The following PAH variants were observed in gnomAD, a reference collection of about 807,000 sequenced individuals.
PAH encodes phenylalanine-4-hydroxylase.
A neutral mutation model predicts 62.0 loss-of-function variants in PAH; 64 were observed. The observed-to-expected ratio is 1.03, with a 90% CI of 0.84 to 1.27. The LOEUF (loss-of-function observed/expected upper bound fraction) is 1.27. Ranked by LOEUF, PAH falls within the 50% of genes most tolerant of loss-of-function variation. The pLI is 0.00. For synonymous variants in PAH, 195 were observed against 196.2 expected (o/e 0.99, Z 0.05); for missense variants, 579 against 542.8 (o/e 1.07, Z -0.66).
At chr12:102,935,312 G>A (rs1879061813) in intron 1 of PAH, among the ~76,000 whole-genome samples, 2 of 151,978 alleles carry the variant, frequency 1.3e-5, no homozygotes, top group African/African-American at 4.8e-5. Context: ...TTTTGTCAAG[G>A]ATTTTTGCAT....
At chr12:102,958,323 C>T in exon 1 of PAH, 1 of 1,472,966 alleles carries the variant, frequency 6.8e-7, no homozygotes, top group Non-Finnish European at 8.9e-7. Context: ...CTTCCTGCCG[C>T]CCGCAGCCTG....
intron 9 of PAH, among the ~76,000 whole-genome samples, chr12:102,845,290 C>T (rs1874786332): frequency 6.6e-6 from 1 of 152,210 alleles, no homozygotes; most frequent in African/African-American, 2.4e-5. Context: ...AATATGTTCT[C>T]CATATGACAG....
chr12:102,932,400 T>C (rs1433845799), intron 1 of PAH, among the ~76,000 whole-genome samples: 2 of 152,116 alleles, frequency 1.3e-5, no homozygotes, highest in African/African-American at 4.8e-5. Context: ...AGCACCAAAC[T>C]CTGTGGGCTC....
chr12:102,928,114 T>C (rs1434035042), intron 1 of PAH, among the ~76,000 whole-genome samples: 2 of 152,196 alleles, frequency 1.3e-5, no homozygotes, highest in Admixed American at 1.3e-4. Context: ...CTTGATACTT[T>C]CTACAGTCCA....
chr12:102,885,936 CCT>C (rs1433089174), intron 3 of PAH: 4 of 152,564 alleles, frequency 2.6e-5, no homozygotes, highest in Non-Finnish European at 5.9e-5. Flanking sequence ...CCGGATGTCT[CCT>C]CTTAGGCAAT....
At chr12:102,940,868 C>T (rs941908436) in intron 1 of PAH, among the ~76,000 whole-genome samples, 2 of 152,110 alleles carry the variant, frequency 1.3e-5, no homozygotes, top group African/African-American at 4.8e-5. Flanking sequence ...GACACATAGT[C>T]ATCAGAATCT....
chr12:102,853,499 T>G (rs1875271234), intron 6 of PAH: 1 of 184,404 alleles, frequency 5.4e-6, no homozygotes, highest in South Asian at 1.2e-4. Context: ...CTTTCTGTAC[T>G]GCTCTTTCTC....
At chr12:102,946,896 T>A (rs1474465888) in intron 1 of PAH, 1 of 152,220 alleles carries the variant, frequency 6.6e-6, no homozygotes, top group Non-Finnish European at 1.5e-5. Flanking sequence ...TATGTGATAC[T>A]TTGTAAAGAT....
At chr12:102,882,768 C>T (rs988444757) in intron 3 of PAH, among the ~76,000 whole-genome samples, 16 of 150,724 alleles carry the variant, frequency 1.1e-4, no homozygotes, top group Admixed American at 2.6e-4. Flanking sequence ...CCACTTATTT[C>T]GTTGTGTAAC....
At chr12:102,866,522 T>C (rs1875968924) in intron 5 of PAH, 74 bp downstream of exon 5, 1 of 1,148,660 alleles carries the variant, frequency 8.7e-7, no homozygotes, top group South Asian at 1.2e-5. Flanking sequence ...CATCCTCAAC[T>C]GGATGAGGGC....
At position 102,880,906 on chromosome 12, in the gene PAH, TA is replaced by T. The variant is rs1404432746; in HGVS notation, c.353-3357del. On this transcript the variant is annotated intron_variant, in intron 3 of 12. Transcript: ENST00000553106. ...TCTTTATTGGGGTATAATTGAACAA[TA>T]AAAAATGCATATATATTTATAATAT... is the stretch of plus-strand genomic sequence containing the variant. Among the ~76,000 whole-genome samples the T allele has an allele frequency of 4.6e-5, 7 of 151,660 alleles. No homozygotes were observed. In the East Asian group the frequency reaches 1.2e-3, roughly 25 times the overall value.
intron 1 of PAH, chr12:102,914,556 C>G (rs1878315175): frequency 6.6e-6 from 1 of 152,246 alleles, no homozygotes; most frequent in Non-Finnish European, 1.5e-5. Context: ...TATTCCTCTT[C>G]CCCCTTTTAA....
intron 2 of PAH, among the ~76,000 whole-genome samples, chr12:102,900,792 A>G (rs1877721600): frequency 6.6e-6 from 1 of 152,184 alleles, no homozygotes; most frequent in South Asian, 2.1e-4. Flanking sequence ...TTACTTTTCA[A>G]CAAGAGGTTT....
chr12:102,935,546 C>T (rs866045676), intron 1 of PAH, among the ~76,000 whole-genome samples: 11 of 151,894 alleles, frequency 7.2e-5, no homozygotes, highest in South Asian at 2.1e-4. Context: ...TGCTGGAAGA[C>T]TTCATTATGG....
intron 1 of PAH, among the ~76,000 whole-genome samples, chr12:102,955,969 G>T (rs1459681962): frequency 6.6e-6 from 1 of 152,104 alleles, no homozygotes. Context: ...GAGAAGAGAG[G>T]TGATTCACTT....
At chr12:102,853,081 C>T (rs1875256714) in intron 6 of PAH, 131 bp from the exon 7 acceptor site, 1 of 943,992 alleles carries the variant, frequency 1.1e-6, no homozygotes, top group Non-Finnish European at 1.7e-6. Context: ...GCAGACTTGG[C>T]TTCAGATGTC....
chr12:102,935,018 C>A (rs183495019), intron 1 of PAH, among the ~76,000 whole-genome samples: 4 of 151,924 alleles, frequency 2.6e-5, no homozygotes, highest in Admixed American at 2.6e-4. Context: ...TTCAGCATGA[C>A]CCTAGCTGTG....
intron 3 of PAH, among the ~76,000 whole-genome samples, chr12:102,882,643 T>G (rs1466800718): frequency 6.3e-5 from 1 of 15,966 alleles, no homozygotes; most frequent in Admixed American, 7.7e-4. Flanking sequence ...ATATATACAC[T>G]ATATATATAT....
intron 1 of PAH, among the ~76,000 whole-genome samples, chr12:102,933,199 G>A (rs181142399): frequency 6.6e-6 from 1 of 152,010 alleles, no homozygotes; most frequent in African/African-American, 2.4e-5. Flanking sequence ...TTAATTTTTA[G>A]CCTCCATAAA....
Sources: allele counts gnomAD v4.1 joint callset (sites outside exome capture counted in the v4.1 genomes callset), GRCh38; gene constraint gnomAD v4.1.1; transcripts MANE v1.5; gene names NCBI Gene and HGNC (gene_info 2026-07-23, HGNC 2026-07-21).